WRN: variants seen among roughly 807,000 people sequenced by gnomAD.
WRN encodes bifunctional 3'-5' exonuclease/ATP-dependent helicase WRN.
In WRN, 149 loss-of-function variants were observed where a neutral mutation model predicts 180.7. The ratio of observed to expected loss-of-function variants is 0.82; its 90% CI spans 0.72 to 0.94. The LOEUF is 0.94. Among genes scored for constraint, WRN ranks in the 40% least tolerant of loss-of-function variants. WRN has a pLI of 0.00. For synonymous variants in WRN, 548 were observed against 568.9 expected (o/e 0.96, Z 0.52); for missense variants, 1,661 against 1,700.1 (o/e 0.98, Z 0.40).
In WRN at chr8:31,132,406, C is replaced by A; in HGVS notation, c.2867C>A (p.Ser956Tyr). The A allele has an allele frequency of 6.2e-7, 1 of 1,614,058 alleles. No homozygotes were observed. Among genetic ancestry groups the A allele is most frequent in the Non-Finnish European group, 8.5e-7 (1 of 1,179,996 alleles). ...CYSMDDSEDT[S>Y]WDFGPQAFKL... ...TCCATGGATGACTCAGAGGATACAT[C>A]CTGGGACTTTGGTCCACAAGCATTT... Residue 956 changes from serine (S) to tyrosine (Y), a missense_variant, in exon 24 of 35, where the codon TCC (serine) becomes TAC (tyrosine). Ser to Tyr is a moderately radical substitution (Grantham distance 144). Around this residue, in one of 3 missense-constraint regions of WRN, gnomAD observed 1,141 missense variants for 1,149.4 expected, o/e 0.99. Coordinates refer to ENST00000298139, the MANE Select transcript of WRN (RefSeq NM_000553.6).
At chr8:31,094,803 CT>C (rs1245450185) in intron 16 of WRN, among the ~76,000 whole-genome samples, 1 of 152,090 alleles carries the variant, frequency 6.6e-6, no homozygotes, top group African/African-American at 2.4e-5. Flanking sequence ...TTCATTCGGT[CT>C]TTTTTTATGA....
intron 1 of WRN, among the ~76,000 whole-genome samples, chr8:31,057,851 A>C (rs945702330): frequency 6.6e-6 from 1 of 152,132 alleles, no homozygotes; most frequent in African/African-American, 2.4e-5. Flanking sequence ...CCTCAAAGAT[A>C]TTAACAGATT....
chr8:31,130,037 C>T (rs538992605), intron 23 of WRN, among the ~76,000 whole-genome samples: 16 of 117,450 alleles, frequency 1.4e-4, no homozygotes, highest in Non-Finnish European at 2.8e-4. Flanking sequence ...AAAAAAAAAA[C>T]TAGTAAGAGG....
At chr8:31,144,679 C>T (rs1390095520) in intron 28 of WRN, among the ~76,000 whole-genome samples, 1 of 152,068 alleles carries the variant, frequency 6.6e-6, no homozygotes. Context: ...ACATGTCTCT[C>T]AATTTAAATC....
At chr8:31,082,362 A>G (rs983542198) in intron 9 of WRN, among the ~76,000 whole-genome samples, 1 of 152,156 alleles carries the variant, frequency 6.6e-6, no homozygotes, top group African/African-American at 2.4e-5. Context: ...GCATTTGAGC[A>G]ATTCTCTGTA....
At chr8:31,061,301 TTTTG>T (rs1812475509) in intron 3 of WRN, among the ~76,000 whole-genome samples, 1 of 152,128 alleles carries the variant, frequency 6.6e-6, no homozygotes, top group Non-Finnish European at 1.5e-5. Flanking sequence ...ATACTACATA[TTTTG>T]TTTATCTCTA....
chr8:31,075,586 G>A (rs1813065265), intron 7 of WRN, among the ~76,000 whole-genome samples: 1 of 151,982 alleles, frequency 6.6e-6, no homozygotes, highest in African/African-American at 2.4e-5. Context: ...TGGTCGTGGT[G>A]GCACATGCCT....
intron 16 of WRN, among the ~76,000 whole-genome samples, chr8:31,093,622 G>T (rs1813845949): frequency 6.6e-6 from 1 of 151,988 alleles, no homozygotes; most frequent in Non-Finnish European, 1.5e-5. Context: ...CTTTATTGAG[G>T]TGTAATTGAC....
At chr8:31,141,936 A>G (rs1283399101) in intron 26 of WRN, among the ~76,000 whole-genome samples, 161 bp downstream of exon 26, 1 of 152,010 alleles carries the variant, frequency 6.6e-6, no homozygotes, top group Admixed American at 6.6e-5. Context: ...CTGTGAGGAA[A>G]GGATAAGTCA....
intron 9 of WRN, 30 bp downstream of exon 9, chr8:31,081,326 G>C (rs1260436000): frequency 3.6e-5 from 58 of 1,609,790 alleles, no homozygotes; most frequent in Non-Finnish European, 4.7e-5. Context: ...CACATTTTTA[G>C]TTATTAGTAG....
chr8:31,148,312 G>A (rs930215680), intron 30 of WRN, among the ~76,000 whole-genome samples: 2 of 152,138 alleles, frequency 1.3e-5, no homozygotes, highest in African/African-American at 2.4e-5. Context: ...GCCTGTTGCA[G>A]AAGCCTCTTA....
chr8:31,065,693 A>G (rs1030100891), intron 5 of WRN, among the ~76,000 whole-genome samples: 2 of 152,118 alleles, frequency 1.3e-5, no homozygotes, highest in African/African-American at 4.8e-5. Flanking sequence ...ATAGTGCTGC[A>G]GTGAACATAT....
chr8:31,136,859 A>ATGAG (rs1802418721), intron 24 of WRN, among the ~76,000 whole-genome samples: 1 of 152,014 alleles, frequency 6.6e-6, no homozygotes, highest in Non-Finnish European at 1.5e-5. Flanking sequence ...GAATGAATGA[A>ATGAG]TGAATGAATG....
chr8:31,127,828 G>A (rs145369805), intron 23 of WRN, among the ~76,000 whole-genome samples: 1 of 152,258 alleles, frequency 6.6e-6, no homozygotes, highest in East Asian at 1.9e-4. Flanking sequence ...GGAGGCTAAG[G>A]TGGAAAGATC....
At chr8:31,112,035 G>T (rs1167273427) in intron 19 of WRN, among the ~76,000 whole-genome samples, 1 of 151,932 alleles carries the variant, frequency 6.6e-6, no homozygotes, top group African/African-American at 2.4e-5. Flanking sequence ...CCATTCTGTT[G>T]CTTAAACAGG....
rs184850610 is a variant in WRN at position 31,088,776 on chromosome 8, C to A, written c.1577-114C>A. 497 of 858,806 alleles carry A rather than the reference C, an allele frequency of 5.8e-4. 2 individuals are homozygous for A. In the African/African-American group the frequency reaches 6.0e-3, roughly 10 times the overall value. The allele number at this position is 858,806 out of a possible 1,614,324, so 53.2% of individuals were successfully genotyped here. A position where few individuals can be genotyped will look rare whatever the true frequency, so the allele number is the denominator to read the frequency against. On this transcript the variant is annotated intron_variant, in intron 12 of 34. Transcript: ENST00000298139. ...GGAATTAAAAAATAGAAAACATTAA[C>A]CCATGGTAGCTGTCACTGTATTCTT...
intron 30 of WRN, among the ~76,000 whole-genome samples, chr8:31,149,794 A>G (rs904200624): frequency 2.0e-5 from 3 of 152,118 alleles, no homozygotes; most frequent in Non-Finnish European, 4.4e-5. Flanking sequence ...TATTTAATGA[A>G]AAATAATAAT....
At chr8:31,126,976 T>G (rs1465405947) in intron 23 of WRN, among the ~76,000 whole-genome samples, 3 of 152,144 alleles carry the variant, frequency 2.0e-5, no homozygotes, top group Admixed American at 6.5e-5. Flanking sequence ...TTTAATAATT[T>G]AGATGAAATG....
At chr8:31,051,230 A>G (rs1812067463) in intron 1 of WRN, among the ~76,000 whole-genome samples, 1 of 152,110 alleles carries the variant, frequency 6.6e-6, no homozygotes, top group African/African-American at 2.4e-5. Flanking sequence ...GAGTTCATCC[A>G]CCAAAACCCA....
Sources: gnomAD v4.1 joint callset for allele counts (sites outside exome capture counted in the v4.1 genomes callset) on GRCh38, gnomAD v4.1.1 for gene constraint, gnomAD v4.1.1 regional missense constraint, MANE v1.5 for transcripts, NCBI Gene and HGNC (gene_info 2026-07-23, HGNC 2026-07-21) for gene names.